FAM174B: variants seen among roughly 807,000 people sequenced by gnomAD.
FAM174B encodes the protein family with sequence similarity 174 member B, also known as membrane protein FAM174B.
In FAM174B, 12 loss-of-function variants were observed where a neutral mutation model predicts 10.9. That is an observed-to-expected ratio of 1.10 (90% CI 0.71 to 1.79). The LOEUF (loss-of-function observed/expected upper bound fraction) is 1.79. FAM174B is among the 40% of genes most tolerant of loss of function. FAM174B has a pLI of 0.00. For missense variants in FAM174B, 266 were observed against 233.3 expected (o/e 1.14, Z -0.91); for synonymous variants, 132 against 115.8 (o/e 1.14, Z -0.90).
intron 1 of FAM174B, among the ~76,000 whole-genome samples, chr15:92,640,731 G>T (rs113407607): frequency 0.02 from 3,042 of 151,718 alleles, 112 homozygotes; most frequent in African/African-American, 0.071. Context: ...TGCAACCTCT[G>T]CCTCCCAGGT....
At chr15:92,625,829 ACAGT>A (rs1173445344) in intron 2 of FAM174B, among the ~76,000 whole-genome samples, 1 of 152,182 alleles carries the variant, frequency 6.6e-6, no homozygotes, top group Non-Finnish European at 1.5e-5. Context: ...GTCTTTCCGA[ACAGT>A]CAGTCATCTT....
Position 92,627,928 on chromosome 15 carries a change from G to A in FAM174B, c.476+2286C>T, listed in dbSNP as rs569991771. ...CAATCACTAACTTTCCTAGGTACAC[G>A]GACATCCCTTGGTATCCTCAGAGAA... On this transcript the variant is annotated intron_variant, in intron 2 of 2. Transcript: ENST00000327355. 1.4e-4 allele frequency among the ~76,000 whole-genome samples: 22 copies of A among 152,192 alleles called. No individual in the cohort carries two copies. In the East Asian group the frequency reaches 3.7e-3, roughly 25 times the overall value.
intron 2 of FAM174B, among the ~76,000 whole-genome samples, chr15:92,624,455 G>A (rs905362987): frequency 5.9e-5 from 9 of 152,230 alleles, no homozygotes; most frequent in Non-Finnish European, 1.0e-4. Context: ...ACTGCCTTGA[G>A]TGTGCTTAGC....
chr15:92,631,587 C>T (rs1156480058), intron 1 of FAM174B, among the ~76,000 whole-genome samples: 2 of 140,128 alleles, frequency 1.4e-5, no homozygotes, highest in South Asian at 2.2e-4. Context: ...CTCCGCCTCC[C>T]GGGTTCACAC....
rs1335653957 is a variant in FAM174B, at chr15:92,631,435, ATAT to A, written c.345-1093_345-1091del. On this transcript the variant is annotated intron_variant, in intron 1 of 2. Transcript: ENST00000327355. Reference sequence around the variant, plus strand: ...TATAATATATAATATATAATATAATATATTATATATATAACATAATATATATTA... The same window carrying A: ...TATAATATATAATATATAATATAATATATATATATAACATAATATATATTA... Among the ~76,000 whole-genome samples, 63 of 43,278 alleles carry A rather than the reference ATAT, an allele frequency of 1.5e-3. 9 individuals are homozygous for A. Among genetic ancestry groups the A allele is most frequent in the African/African-American group, 8.2e-3 (55 of 6,694 alleles). 28.4% of individuals were successfully genotyped at this position (43,278 alleles called of 152,430 possible). A position where few individuals can be genotyped will look rare whatever the true frequency, so the allele number is the denominator to read the frequency against.
rs1176413448 is a variant in FAM174B at position 92,630,141 on chromosome 15, C to T, written c.476+73G>A. ...ACTAAAAAACAAGAACACATGGACA[C>T]CATGCCTGACCTCGAGGTCCCACCA... On this transcript the variant is annotated intron_variant, in intron 2 of 2. Coordinates refer to ENST00000327355, the MANE Select transcript of FAM174B (RefSeq NM_207446.3). The T allele has an allele frequency of 3.3e-6, 5 of 1,518,842 alleles. No individual in the cohort carries two copies. In the East Asian group the frequency reaches 1.1e-4, roughly 34 times the overall value. 94.1% of individuals were successfully genotyped at this position (1,518,842 alleles called of 1,614,324 possible). A position where few individuals can be genotyped will look rare whatever the true frequency, so the allele number is the denominator to read the frequency against.
At chr15:92,649,462 G>C (rs2050950241) in intron 1 of FAM174B, among the ~76,000 whole-genome samples, 1 of 152,208 alleles carries the variant, frequency 6.6e-6, no homozygotes. Context: ...ACAGAAGCAA[G>C]ACCAAAAGGT....
chr15:92,617,784 AC>A lies in FAM174B; in HGVS notation c.*1671del, dbSNP rs780639838. Reference sequence around the variant, plus strand: ...CCACGGCTGTTCTGTTGCCAGTCCCACCCCTCTGGCAAACAGATGGGGGAAA... The same window carrying A: ...CCACGGCTGTTCTGTTGCCAGTCCCACCCTCTGGCAAACAGATGGGGGAAA... On this transcript the variant is annotated 3_prime_UTR_variant, in exon 3 of 3. Coordinates refer to ENST00000327355, the MANE Select transcript of FAM174B (RefSeq NM_207446.3). 1.5e-5 allele frequency: 8 copies of A among 527,778 alleles called. No individual in the cohort carries two copies. The highest frequency in any genetic ancestry group is 2.3e-5 in the Non-Finnish European group (7 of 299,030). The allele number at this position is 527,778 out of a possible 1,614,324, so 32.7% of individuals were successfully genotyped here.
At chr15:92,636,512 C>T (rs1333843620) in intron 1 of FAM174B, among the ~76,000 whole-genome samples, 2 of 152,188 alleles carry the variant, frequency 1.3e-5, no homozygotes, top group East Asian at 3.8e-4. Context: ...AGTGGCAGAG[C>T]TAGGGTTTGA....
chr15:92,638,127 G>C (rs562467876), intron 1 of FAM174B, among the ~76,000 whole-genome samples: 7 of 152,294 alleles, frequency 4.6e-5, no homozygotes, highest in Admixed American at 4.6e-4. Context: ...TTCTGAGATA[G>C]GCTACTGTTA....
chr15:92,640,760 T>G (rs150014876), intron 1 of FAM174B, among the ~76,000 whole-genome samples: 1,614 of 152,066 alleles, frequency 0.011, 26 homozygotes, highest in African/African-American at 0.035. Context: ...TTATCCTGCC[T>G]CAGCCTCCCA....
chr15:92,646,550 C>T (rs970783230), intron 1 of FAM174B, among the ~76,000 whole-genome samples: 1 of 152,120 alleles, frequency 6.6e-6, no homozygotes, highest in African/African-American at 2.4e-5. Context: ...AAAGCTAACC[C>T]GAAAAACTAA....
intron 1 of FAM174B, among the ~76,000 whole-genome samples, chr15:92,645,991 C>T (rs1323758408): frequency 6.6e-6 from 1 of 152,116 alleles, no homozygotes; most frequent in Non-Finnish European, 1.5e-5. Context: ...CCAAACCTAT[C>T]CCTTTCCCTG....
chr15:92,624,414 C>CCT, intron 2 of FAM174B, among the ~76,000 whole-genome samples: 1 of 152,330 alleles, frequency 6.6e-6, no homozygotes, highest in East Asian at 1.9e-4. Context: ...ATTCAGAGGT[C>CCT]CTCAGTAAGT....
Position 92,618,881 on chromosome 15 carries a change from G to A in FAM174B, c.*575C>T, listed in dbSNP as rs150486107. 5.1e-4 allele frequency: 132 copies of A among 260,292 alleles called. 1 individual carries two copies. In the East Asian group the frequency reaches 6.0e-3, roughly 12 times the overall value. 16.1% of individuals were successfully genotyped at this position (260,292 alleles called of 1,614,324 possible). On this transcript the variant is annotated 3_prime_UTR_variant, in exon 3 of 3. Coordinates refer to ENST00000327355, the MANE Select transcript of FAM174B (RefSeq NM_207446.3). ...GGAAGAAAGAAAAGGAGCCACAGAC[G>A]TGTCCAGGTCTGGAAGGGGCTGACC...
rs1567041372 is a variant in FAM174B, at chr15:92,619,248, C to CA, written c.*207dup. ...AGGGATGCCCAAAGGGTGGCAGAAGCAACTCCATTGTGGTGACGTGGAAAC... is the reference window on the plus strand; with the variant it reads ...AGGGATGCCCAAAGGGTGGCAGAAGCAAACTCCATTGTGGTGACGTGGAAAC... On this transcript the variant is annotated 3_prime_UTR_variant, in exon 3 of 3. Coordinates refer to ENST00000327355, the MANE Select transcript of FAM174B (RefSeq NM_207446.3). The CA allele has an allele frequency of 1.4e-6, 1 of 711,830 alleles. No individual in the cohort carries two copies. The highest frequency in any genetic ancestry group is 2.0e-5 in the Admixed American group (1 of 50,024). The allele number at this position is 711,830 out of a possible 1,614,324, so 44.1% of individuals were successfully genotyped here.
Position 92,617,888 on chromosome 15 carries a change from C to A in FAM174B, c.*1568G>T. The A allele has an allele frequency of 2.2e-6, 1 of 452,736 alleles. No individual in the cohort carries two copies. Among genetic ancestry groups the A allele is most frequent in the Non-Finnish European group, 3.9e-6 (1 of 258,570 alleles). 28.0% of individuals were successfully genotyped at this position (452,736 alleles called of 1,614,324 possible). A position where few individuals can be genotyped will look rare whatever the true frequency, so the allele number is the denominator to read the frequency against. On this transcript the variant is annotated 3_prime_UTR_variant, in exon 3 of 3. Coordinates refer to ENST00000327355, the MANE Select transcript of FAM174B (RefSeq NM_207446.3). ...CGCAGGCCCCCCGTGGCTGGCAATACCATGCGTGCTGGGCCGGCTGCGCCA... is the reference window on the plus strand; with the variant it reads ...CGCAGGCCCCCCGTGGCTGGCAATAACATGCGTGCTGGGCCGGCTGCGCCA...
intron 1 of FAM174B, among the ~76,000 whole-genome samples, chr15:92,640,986 T>C (rs1186707005): frequency 1.3e-5 from 2 of 152,100 alleles, no homozygotes; most frequent in Admixed American, 6.6e-5. Context: ...CCTTAATATA[T>C]ATATAGTCCC....
At chr15:92,622,637 C>A (rs2068506807) in intron 2 of FAM174B, among the ~76,000 whole-genome samples, 1 of 152,268 alleles carries the variant, frequency 6.6e-6, no homozygotes, top group African/African-American at 2.4e-5. Context: ...AGCTGCCACT[C>A]ACTGAAGATC....
Sources: gnomAD v4.1 joint callset for allele counts (sites outside exome capture counted in the v4.1 genomes callset) on GRCh38, gnomAD v4.1.1 for gene constraint, MANE v1.5 for transcripts, NCBI Gene and HGNC (gene_info 2026-07-23, HGNC 2026-07-21) for gene names.